The following PSMD1 variants were observed in gnomAD, a reference collection of about 807,000 sequenced individuals.
PSMD1 encodes the protein proteasome 26S subunit, non-ATPase 1, also known as 26S proteasome non-ATPase regulatory subunit 1.
PSMD1 carries 18 observed loss-of-function variants against 119.0 expected under a neutral mutation model. The ratio of observed to expected loss-of-function variants is 0.15; its 90% CI spans 0.10 to 0.22. The LOEUF (loss-of-function observed/expected upper bound fraction) is 0.22. Ranked by LOEUF, PSMD1 falls within the 10% of genes least tolerant of loss-of-function variation. The probability of loss-of-function intolerance (pLI) is 1.00; values close to 1 mark genes in which losing one functional copy is unlikely to be tolerated. For synonymous variants in PSMD1, 374 were observed against 396.6 expected (o/e 0.94, Z 0.68); for missense variants, 702 against 1,158.5 (o/e 0.61, Z 5.72).
intron 16 of PSMD1, among the ~76,000 whole-genome samples, chr2:231,119,949 A>T (rs1398613515): frequency 6.8e-6 from 1 of 147,426 alleles, no homozygotes; most frequent in Non-Finnish European, 1.5e-5. Flanking sequence ...TTCCCGTGTT[A>T]CTTTTTTTTT....
At chr2:231,148,420 C>G (rs1388919596) in intron 18 of PSMD1, among the ~76,000 whole-genome samples, 1 of 152,152 alleles carries the variant, frequency 6.6e-6, no homozygotes, top group Non-Finnish European at 1.5e-5. Context: ...AATCTCTGTT[C>G]CAAAAATGGC....
intron 16 of PSMD1, among the ~76,000 whole-genome samples, chr2:231,131,250 C>T (rs770604155): frequency 2.0e-5 from 3 of 152,056 alleles, no homozygotes; most frequent in Non-Finnish European, 2.9e-5. Flanking sequence ...GTGGGGCTGG[C>T]GGTACACACA....
Position 231,101,170 on chromosome 2 carries a change from C to G in PSMD1, c.1883+13989C>G, listed in dbSNP as rs531637048. ...CAATTTGTGGGTAATTAACATTGTT[C>G]ACCCCCAAGTAGAGAGCAGTCCTGC... is the stretch of plus-strand genomic sequence containing the variant. On this transcript the variant is annotated intron_variant, in intron 16 of 24. Coordinates refer to ENST00000308696, the MANE Select transcript of PSMD1 (RefSeq NM_002807.4). 3.3e-5 allele frequency among the ~76,000 whole-genome samples: 5 copies of G among 152,282 alleles called. No homozygotes were observed. The East Asian group carries it at 5.8e-4, about 18-fold the overall frequency.
intron 18 of PSMD1, among the ~76,000 whole-genome samples, chr2:231,152,521 A>G (rs1696396205): frequency 6.6e-6 from 1 of 152,220 alleles, no homozygotes; most frequent in Non-Finnish European, 1.5e-5. Flanking sequence ...CATAAAAGGT[A>G]GTAACTTACC....
intron 16 of PSMD1, chr2:231,108,620 A>C (rs1695038604): frequency 6.2e-7 from 1 of 1,613,858 alleles, no homozygotes; most frequent in African/African-American, 1.3e-5. Context: ...TGAACTTCGG[A>C]GCCTCATTGG....
intron 16 of PSMD1, among the ~76,000 whole-genome samples, chr2:231,104,840 A>G (rs10199752): frequency 1.3e-5 from 2 of 151,932 alleles, no homozygotes; most frequent in South Asian, 2.1e-4. Flanking sequence ...TCTGTCCTAT[A>G]TCCTAAGACT....
Position 231,146,374 on chromosome 2 carries a change from T to A in PSMD1, c.2115+18T>A, listed in dbSNP as rs1024213017. ...GTCCAAAGGTGAGCAAACAAAGAAA[T>A]TCCCTGGAAGAGAGATGGTTTGGTC... On this transcript the variant is annotated intron_variant, in intron 18 of 24. Coordinates refer to ENST00000308696, the MANE Select transcript of PSMD1 (RefSeq NM_002807.4). 4 of 1,565,286 alleles carry A rather than the reference T, an allele frequency of 2.6e-6. No individual in the cohort carries two copies. Among genetic ancestry groups the A allele is most frequent in the Non-Finnish European group, 3.5e-6 (4 of 1,137,000 alleles).
chr2:231,065,700 C>G (rs1693894853), intron 4 of PSMD1, among the ~76,000 whole-genome samples: 1 of 152,310 alleles, frequency 6.6e-6, no homozygotes, highest in Non-Finnish European at 1.5e-5. Flanking sequence ...AAAGATATAA[C>G]TAAATTGCAA....
chr2:231,120,767 A>G (rs1422566505), intron 16 of PSMD1, among the ~76,000 whole-genome samples: 1 of 152,196 alleles, frequency 6.6e-6, no homozygotes, highest in Non-Finnish European at 1.5e-5. Context: ...AGCTAAAATT[A>G]TTGCTCATAG....
intron 18 of PSMD1, among the ~76,000 whole-genome samples, chr2:231,151,283 T>G (rs377629835): frequency 1.8e-4 from 27 of 152,234 alleles, no homozygotes; most frequent in African/African-American, 6.3e-4. Context: ...GCAAACCAAT[T>G]GTTTTGCTTG....
intron 16 of PSMD1, among the ~76,000 whole-genome samples, chr2:231,107,955 A>G (rs1482657982): frequency 6.6e-6 from 1 of 152,230 alleles, no homozygotes; most frequent in Non-Finnish European, 1.5e-5. Flanking sequence ...TCCAGCTACT[A>G]TCCTCCCTAT....
At chr2:231,070,752 A>C (rs1694023770) in intron 6 of PSMD1, among the ~76,000 whole-genome samples, 1 of 152,078 alleles carries the variant, frequency 6.6e-6, no homozygotes, top group Non-Finnish European at 1.5e-5. Context: ...ATGTGGATCT[A>C]CTGCATTCTT....
rs75847014 is a variant in PSMD1 at position 231,165,958 on chromosome 2, C to T, written c.2656C>T (p.Pro886Ser). 1.2e-6 allele frequency: 2 copies of T among 1,613,982 alleles called. No individual in the cohort carries two copies. The highest frequency in any genetic ancestry group is 1.3e-5 in the African/African-American group (1 of 75,022). ...ATTGGATAACCCAGCCCGAGTTATG[C>T]CTGCCCAGCTTAAGGTCCTAACCAT... ...QLLDNPARVM[P>S]AQLKVLTMPE... Residue 886 changes from proline to serine, a missense_variant, in exon 23 of 25, where the codon CCT (proline) becomes TCT (serine). Around this residue, in one of 9 missense-constraint regions of PSMD1, gnomAD observed 152 missense variants for 239.3 expected, o/e 0.64. Transcript: ENST00000308696.
At chr2:231,127,181 C>T (rs1416572721) in intron 16 of PSMD1, among the ~76,000 whole-genome samples, 2 of 151,782 alleles carry the variant, frequency 1.3e-5, no homozygotes, top group Non-Finnish European at 2.9e-5. Context: ...AAACATGTTT[C>T]CCTGCCTACT....
At chr2:231,093,254 G>A (rs1694643444) in intron 16 of PSMD1, among the ~76,000 whole-genome samples, 1 of 152,208 alleles carries the variant, frequency 6.6e-6, no homozygotes, top group African/African-American at 2.4e-5. Context: ...GAGAGATTAA[G>A]AAGGGTTAAT....
chr2:231,063,130 G>A (rs1274413869), intron 4 of PSMD1, among the ~76,000 whole-genome samples: 5 of 151,922 alleles, frequency 3.3e-5, no homozygotes, highest in Non-Finnish European at 5.9e-5. Context: ...TTAAATAGAA[G>A]GATAAAATTT....
chr2:231,146,125 C>CAT, intron 17 of PSMD1, 115 bp from the exon 18 acceptor site: 1 of 673,752 alleles, frequency 1.5e-6, no homozygotes, highest in Non-Finnish European at 2.7e-6. Context: ...GGACTACCAT[C>CAT]ATATATGCAG....
chr2:231,105,663 T>A (rs1694957962), intron 16 of PSMD1, among the ~76,000 whole-genome samples: 1 of 152,168 alleles, frequency 6.6e-6, no homozygotes, highest in Non-Finnish European at 1.5e-5. Context: ...TAGATACGGA[T>A]CTTGCAAGAT....
chr2:231,090,358 A>G (rs1039956424), intron 16 of PSMD1, among the ~76,000 whole-genome samples: 4 of 152,232 alleles, frequency 2.6e-5, no homozygotes, highest in African/African-American at 4.8e-5. Flanking sequence ...CCTGGCTGAC[A>G]TGGTGAAACC....
Sources: gnomAD v4.1 joint callset for allele counts (sites outside exome capture counted in the v4.1 genomes callset) on GRCh38, gnomAD v4.1.1 for gene constraint, gnomAD v4.1.1 regional missense constraint, MANE v1.5 for transcripts, NCBI Gene and HGNC (gene_info 2026-07-23, HGNC 2026-07-21) for gene names.